The following ARHGAP6 variants were observed in gnomAD, a reference collection of about 807,000 sequenced individuals.
ARHGAP6 encodes the protein Rho GTPase activating protein 6, also known as rho GTPase-activating protein 6.
Under a neutral mutation model 55.7 loss-of-function variants are expected in ARHGAP6, and 16 were observed. The ratio of observed to expected loss-of-function variants is 0.29; its 90% CI spans 0.19 to 0.44. ARHGAP6 has a LOEUF of 0.44. Ranked by LOEUF, ARHGAP6 falls within the 20% of genes least tolerant of loss-of-function variation. The pLI, the probability that ARHGAP6 is intolerant of heterozygous loss-of-function variation, is 1.00. For missense variants in ARHGAP6, 698 were observed against 808.9 expected (o/e 0.86, Z 1.66); for synonymous variants, 382 against 360.9 (o/e 1.06, Z -0.66).
At chrX:11,336,307 T>C (rs901325474) in intron 1 of ARHGAP6, among the ~76,000 whole-genome samples, 4 of 111,416 alleles carry the variant, frequency 3.6e-5, no homozygotes, top group African/African-American at 1.3e-4. Flanking sequence ...TCAAACACAC[T>C]GTATTTTCGC....
chrX:11,153,211 G>C (rs920333968), intron 10 of ARHGAP6, among the ~76,000 whole-genome samples: 43 of 111,348 alleles, frequency 3.9e-4, no homozygotes, highest in Non-Finnish European at 6.8e-4. Flanking sequence ...AACAAGATCT[G>C]GTGATACCCA....
At chrX:11,398,149 A>C (rs1011711562) in intron 1 of ARHGAP6, among the ~76,000 whole-genome samples, 2 of 110,233 alleles carry the variant, frequency 1.8e-5, no homozygotes, top group Non-Finnish European at 3.8e-5. Flanking sequence ...CCTTATCTGT[A>C]AAATGGGGAT....
chrX:11,483,571 G>A (rs1418647784), intron 1 of ARHGAP6, among the ~76,000 whole-genome samples: 1 of 111,562 alleles, frequency 9.0e-6, no homozygotes, highest in East Asian at 2.8e-4. Context: ...CTCAGCTCCT[G>A]CTATCACTGA....
intron 1 of ARHGAP6, among the ~76,000 whole-genome samples, chrX:11,375,633 G>A (rs2049192224): frequency 8.9e-6 from 1 of 112,202 alleles, no homozygotes; most frequent in African/African-American, 3.2e-5. Flanking sequence ...TTATGTAGAT[G>A]TGGATTGTGA....
At chrX:11,259,482 A>G (rs936391558) in intron 1 of ARHGAP6, among the ~76,000 whole-genome samples, 3 of 112,120 alleles carry the variant, frequency 2.7e-5, no homozygotes, top group African/African-American at 9.7e-5. Flanking sequence ...GTGCATCCAC[A>G]TTGTTCAGTT....
chrX:11,159,999 AT>A (rs1202684161), intron 9 of ARHGAP6, among the ~76,000 whole-genome samples: 1 of 111,522 alleles, frequency 9.0e-6, no homozygotes, highest in East Asian at 2.8e-4. Flanking sequence ...GAGAACTCAT[AT>A]TTTTTTAATG....
chrX:11,435,508 T>C (rs904965131), intron 1 of ARHGAP6, among the ~76,000 whole-genome samples: 5 of 111,727 alleles, frequency 4.5e-5, no homozygotes, highest in Admixed American at 9.5e-5. Flanking sequence ...CTTGGGTGGG[T>C]TTTTAAAAAT....
At chrX:11,471,994 G>A (rs1191896267) in intron 1 of ARHGAP6, among the ~76,000 whole-genome samples, 1 of 112,321 alleles carries the variant, frequency 8.9e-6, no homozygotes, top group Non-Finnish European at 1.9e-5. Context: ...TTCTGGGGGA[G>A]AGACAGAGCA....
intron 1 of ARHGAP6, among the ~76,000 whole-genome samples, chrX:11,608,757 G>T (rs2052065952): frequency 9.0e-6 from 1 of 111,568 alleles, no homozygotes; most frequent in African/African-American, 3.3e-5. Context: ...TTTATCAGGG[G>T]GTTCCGCTTT....
intron 1 of ARHGAP6, among the ~76,000 whole-genome samples, chrX:11,400,261 T>C (rs1044930540): frequency 3.6e-5 from 4 of 111,452 alleles, no homozygotes; most frequent in African/African-American, 9.8e-5. Context: ...ATGCAAAAGA[T>C]GCATCACTGC....
At chrX:11,316,559 G>C (rs1279811954) in intron 1 of ARHGAP6, among the ~76,000 whole-genome samples, 1 of 112,408 alleles carries the variant, frequency 8.9e-6, no homozygotes, top group Non-Finnish European at 1.9e-5. Flanking sequence ...ACTTTTTGTG[G>C]TGAGAATACT....
chrX:11,523,861 G>A lies in ARHGAP6; in HGVS notation c.588+140380C>T, dbSNP rs192959894. On this transcript the variant is annotated intron_variant, in intron 1 of 12. Coordinates refer to ENST00000337414, the MANE Select transcript of ARHGAP6 (RefSeq NM_013427.3). ...GGTACTCAAGGAGAAAACAGGAATG[G>A]CGGTATAATGGGTAGAACTCAGGTT... Among the ~76,000 whole-genome samples, 19 of 111,413 alleles carry A rather than the reference G, an allele frequency of 1.7e-4. No individual in the cohort carries two copies. The East Asian group carries it at 4.5e-3, about 27-fold the overall frequency.
At chrX:11,298,782 T>C in intron 1 of ARHGAP6, 1 of 1,210,651 alleles carries the variant, frequency 8.3e-7, no homozygotes, top group Non-Finnish European at 1.1e-6. Context: ...CCAGCAGCCC[T>C]ACCAGCCCCA....
At chrX:11,323,433 A>G (rs2048457188) in intron 1 of ARHGAP6, among the ~76,000 whole-genome samples, 1 of 112,628 alleles carries the variant, frequency 8.9e-6, no homozygotes, top group South Asian at 3.7e-4. Context: ...AATTCTGCTA[A>G]AATTGAAGCA....
intron 1 of ARHGAP6, among the ~76,000 whole-genome samples, chrX:11,637,879 G>A (rs182584725): frequency 3.6e-5 from 4 of 110,875 alleles, no homozygotes; most frequent in Non-Finnish European, 7.6e-5. Flanking sequence ...GTAATAAATC[G>A]TGATGAATTT....
In ARHGAP6 at chrX:11,354,327, C is replaced by CTCTCTA. The variant is rs1343744315; in HGVS notation, c.589-99621_589-99620insTAGAGA. On this transcript the variant is annotated intron_variant, in intron 1 of 12. Transcript: ENST00000337414. The stretch of plus-strand genomic sequence containing the variant: ...TCTCTCTCTCTCTCTCTCTCTCTCT[C>CTCTCTA]TATATATATATATATATATATATAT... Among the ~76,000 whole-genome samples, 161 of 32,338 alleles carry CTCTCTA rather than the reference C, an allele frequency of 5.0e-3. 1 individual carries two copies. The highest frequency in any genetic ancestry group is 7.0e-3 in the Non-Finnish European group (135 of 19,242). 28.1% of individuals were successfully genotyped at this position (32,338 alleles called of 115,157 possible). A position where few individuals can be genotyped will look rare whatever the true frequency, so the allele number is the denominator to read the frequency against.
At chrX:11,216,556 G>C (rs1159583932) in intron 2 of ARHGAP6, among the ~76,000 whole-genome samples, 2 of 111,815 alleles carry the variant, frequency 1.8e-5, no homozygotes, top group Non-Finnish European at 3.8e-5. Flanking sequence ...AGGAGGCTGA[G>C]GCATGAGAAT....
chrX:11,213,508 C>T (rs1358875717), intron 2 of ARHGAP6, among the ~76,000 whole-genome samples: 1 of 112,156 alleles, frequency 8.9e-6, no homozygotes, highest in African/African-American at 3.2e-5. Context: ...CACTCAGGTG[C>T]CCAACAACGG....
At chrX:11,296,281 C>T (rs184363677) in intron 1 of ARHGAP6, among the ~76,000 whole-genome samples, 1 of 111,750 alleles carries the variant, frequency 8.9e-6, no homozygotes, top group African/African-American at 3.3e-5. Context: ...AAGTACTTGA[C>T]CACCTCCTGA....
Sources: gnomAD v4.1 joint callset for allele counts (sites outside exome capture counted in the v4.1 genomes callset) on GRCh38, gnomAD v4.1.1 for gene constraint, MANE v1.5 for transcripts, NCBI Gene and HGNC (gene_info 2026-07-23, HGNC 2026-07-21) for gene names.